The following EIF2B3 variants were observed in gnomAD, a reference collection of about 807,000 sequenced individuals.
EIF2B3 encodes the protein translation initiation factor eIF2B subunit gamma.
Under a neutral mutation model 54.1 loss-of-function variants are expected in EIF2B3, and 20 were observed. The observed-to-expected ratio is 0.37, with a 90% CI of 0.26 to 0.54. EIF2B3 has a LOEUF of 0.54. Ranked by LOEUF, EIF2B3 falls within the 20% of genes least tolerant of loss-of-function variation. EIF2B3 has a pLI of 0.86. For missense variants in EIF2B3, 448 were observed against 547.8 expected (o/e 0.82, Z 1.82); for synonymous variants, 153 against 188.1 (o/e 0.81, Z 1.52).
intron 3 of EIF2B3, among the ~76,000 whole-genome samples, chr1:44,967,030 G>A (rs1257898992): frequency 6.6e-6 from 1 of 151,760 alleles, no homozygotes; most frequent in Non-Finnish European, 1.5e-5. Flanking sequence ...TGGCCAGGAT[G>A]GTCTCGATCT....
Position 44,879,995 on chromosome 1 carries a change from A to G in EIF2B3, c.798T>C (p.Phe266=). 6.2e-7 allele frequency: 1 copy of G among 1,614,202 alleles called. No homozygotes were observed. Among genetic ancestry groups the G allele is most frequent in the Non-Finnish European group, 8.5e-7 (1 of 1,180,016 alleles). ...KELKSLDIYS[F]IKEANTLNLA... ...GGTTCAGTGTATTGGCTTCTTTTAT[A>G]AAACTGTAGATATCTTCAGAACAAA... The change falls in exon 8 of 12, where the codon TTT becomes TTC. Residue 266 remains phenylalanine, a synonymous_variant. Coordinates refer to ENST00000360403, the MANE Select transcript of EIF2B3 (RefSeq NM_020365.5).
rs948564521 is a variant in EIF2B3 at position 44,982,029 on chromosome 1, C to T, written c.-9-852G>A. ...ACAGCAGAAACACAAGCATGTTAGGCTTCTGAAAAGTATGAAATGACTTAA... is the reference window on the plus strand; with the variant it reads ...ACAGCAGAAACACAAGCATGTTAGGTTTCTGAAAAGTATGAAATGACTTAA... On this transcript the variant is annotated intron_variant, in intron 1 of 11. Transcript: ENST00000360403. 3.3e-5 allele frequency among the ~76,000 whole-genome samples: 5 copies of T among 151,752 alleles called. No homozygotes were observed. In the South Asian group the frequency reaches 6.2e-4, roughly 19 times the overall value.
intron 10 of EIF2B3, among the ~76,000 whole-genome samples, chr1:44,861,017 T>C (rs1314093281): frequency 6.6e-6 from 1 of 152,146 alleles, no homozygotes; most frequent in Admixed American, 6.5e-5. Flanking sequence ...TTATCTCTGT[T>C]CTCCTAGGAG....
intron 8 of EIF2B3, among the ~76,000 whole-genome samples, chr1:44,877,216 A>C (rs1230935620): frequency 6.7e-5 from 10 of 149,520 alleles, no homozygotes; most frequent in African/African-American, 2.0e-4. Context: ...AAAAAAAAAA[A>C]AAAAAACACC....
chr1:44,926,877 G>A (rs1643859535), intron 4 of EIF2B3, 138 bp from the exon 5 acceptor site: 3 of 778,452 alleles, frequency 3.9e-6, no homozygotes, highest in Non-Finnish European at 6.3e-6. Context: ...GCTCACGCCT[G>A]TAATCCCAAG....
chr1:44,862,451 G>A (rs1020107901), intron 10 of EIF2B3, among the ~76,000 whole-genome samples: 3 of 152,296 alleles, frequency 2.0e-5, no homozygotes, highest in Admixed American at 6.5e-5. Flanking sequence ...ATACTATGTT[G>A]TGGCATATCA....
At chr1:44,971,367 C>T (rs1569869453) in intron 3 of EIF2B3, among the ~76,000 whole-genome samples, 2 of 120,380 alleles carry the variant, frequency 1.7e-5, no homozygotes, top group African/African-American at 7.1e-5. Flanking sequence ...GAGACTCCGT[C>T]TCCAGAAAAA....
At chr1:44,877,211 A>AAAC (rs1655217621) in intron 8 of EIF2B3, among the ~76,000 whole-genome samples, 2 of 148,922 alleles carry the variant, frequency 1.3e-5, no homozygotes, top group African/African-American at 5.0e-5. Context: ...AAAAAAAAAA[A>AAAC]AAAAAAAAAA....
At chr1:44,969,718 T>C (rs999318859) in intron 3 of EIF2B3, among the ~76,000 whole-genome samples, 3 of 152,198 alleles carry the variant, frequency 2.0e-5, no homozygotes, top group African/African-American at 7.2e-5. Context: ...ATGGGCAATG[T>C]TGATTACTTT....
intron 9 of EIF2B3, 121 bp from the exon 10 acceptor site, chr1:44,874,947 C>CCATGAT (rs1404606284): frequency 6.4e-6 from 8 of 1,254,312 alleles, no homozygotes; most frequent in Non-Finnish European, 6.9e-6. Flanking sequence ...GCAAGAGGGA[C>CCATGAT]CATGATCAGT....
At chr1:44,943,357 T>C (rs1398953495) in intron 3 of EIF2B3, among the ~76,000 whole-genome samples, 3 of 149,280 alleles carry the variant, frequency 2.0e-5, no homozygotes, top group Non-Finnish European at 4.4e-5. Context: ...AACAACCATA[T>C]GCAGGAAGAA....
intron 3 of EIF2B3, among the ~76,000 whole-genome samples, chr1:44,968,464 T>C (rs762252926): frequency 6.6e-6 from 1 of 150,566 alleles, no homozygotes; most frequent in Non-Finnish European, 1.5e-5. Context: ...ATACATTATA[T>C]AGAAAAACCA....
At chr1:44,927,915 A>C (rs569603143) in intron 4 of EIF2B3, among the ~76,000 whole-genome samples, 1 of 152,274 alleles carries the variant, frequency 6.6e-6, no homozygotes, top group Non-Finnish European at 1.5e-5. Context: ...TAATTCCAGC[A>C]CTTTGGGAGG....
chr1:44,976,924 G>A (rs1312890500), intron 3 of EIF2B3, among the ~76,000 whole-genome samples: 1 of 152,126 alleles, frequency 6.6e-6, no homozygotes, highest in African/African-American at 2.4e-5. Flanking sequence ...AACTTTCAGG[G>A]GTGATGGAAT....
chr1:44,873,906 T>A (rs1655040750), intron 10 of EIF2B3, among the ~76,000 whole-genome samples: 1 of 151,900 alleles, frequency 6.6e-6, no homozygotes, highest in African/African-American at 2.4e-5. Context: ...TGCCTCAGCC[T>A]CCCAAAATGC....
At position 44,881,856 on chromosome 1, in the gene EIF2B3, T is replaced by C. The variant is rs1368558001; in HGVS notation, c.657-117A>G. 2.9e-6 allele frequency: 4 copies of C among 1,383,132 alleles called. No individual in the cohort carries two copies. The highest frequency in any genetic ancestry group is 1.0e-6 in the Non-Finnish European group (1 of 996,014). 85.7% of individuals were successfully genotyped at this position (1,383,132 alleles called of 1,614,324 possible). On this transcript the variant is annotated intron_variant, in intron 6 of 11. Coordinates refer to ENST00000360403, the MANE Select transcript of EIF2B3 (RefSeq NM_020365.5). The surrounding 1 kb of genome is among the most constrained non-coding windows in gnomAD (Gnocchi z 4.0). ...CTTTCCTGTCATGGCACCTTGGGACTGTCAGAGATCAAATGTGGCATTGAC... is the reference window on the plus strand; with the variant it reads ...CTTTCCTGTCATGGCACCTTGGGACCGTCAGAGATCAAATGTGGCATTGAC...
intron 4 of EIF2B3, among the ~76,000 whole-genome samples, chr1:44,938,012 GAAGA>G (rs1639736961): frequency 6.8e-6 from 1 of 146,608 alleles, no homozygotes; most frequent in African/African-American, 2.5e-5. Flanking sequence ...AATTTTCTGA[GAAGA>G]AAGTGCAAGG....
chr1:44,984,159 G>A (rs892306680), intron 1 of EIF2B3, among the ~76,000 whole-genome samples: 4 of 151,336 alleles, frequency 2.6e-5, no homozygotes, highest in East Asian at 2.0e-4. Flanking sequence ...CAGCCTGGGC[G>A]ACAGAGTGAG....
intron 3 of EIF2B3, among the ~76,000 whole-genome samples, chr1:44,962,940 A>G (rs1374191772): frequency 1.3e-5 from 2 of 152,152 alleles, no homozygotes; most frequent in East Asian, 3.9e-4. Context: ...ATTCAGTCTT[A>G]AAAGACCAGA....
Sources: allele counts gnomAD v4.1 joint callset (sites outside exome capture counted in the v4.1 genomes callset), GRCh38; gene constraint gnomAD v4.1.1; non-coding constraint Gnocchi (gnomAD v3.1); transcripts MANE v1.5; gene names NCBI Gene and HGNC (gene_info 2026-07-23, HGNC 2026-07-21).